The following NKIRAS1 variants were observed in gnomAD, a reference collection of about 807,000 sequenced individuals.
NKIRAS1 encodes the protein NFKB inhibitor interacting Ras like 1, also known as NF-kappa-B inhibitor-interacting Ras-like protein 1.
NKIRAS1 carries 16 observed loss-of-function variants against 19.8 expected under a neutral mutation model. The observed-to-expected ratio is 0.81, with a 90% confidence interval of 0.55 to 1.23. NKIRAS1 has a LOEUF of 1.23. Ranked by LOEUF, NKIRAS1 falls within the 50% of genes most tolerant of loss-of-function variation. The pLI, the probability that NKIRAS1 is intolerant of heterozygous loss-of-function variation, is 0.00. For synonymous variants in NKIRAS1, 88 were observed against 79.0 expected (o/e 1.11, Z -0.61); for missense variants, 184 against 220.0 (o/e 0.84, Z 1.04).
intron 1 of NKIRAS1, among the ~76,000 whole-genome samples, chr3:23,943,469 G>C (rs1262933396): frequency 6.6e-6 from 1 of 152,192 alleles, no homozygotes; most frequent in Non-Finnish European, 1.5e-5. Context: ...GACCTCAGGT[G>C]ATCCACCCGC....
At position 23,927,267 on chromosome 3, in the gene NKIRAS1, C is replaced by A. The variant is rs1007838052; in HGVS notation, c.-139-15817G>T. 6.6e-6 allele frequency among the ~76,000 whole-genome samples: 1 copy of A among 152,136 alleles called. No individual in the cohort carries two copies. The highest frequency in any genetic ancestry group is 1.5e-5 in the Non-Finnish European group (1 of 68,032). On this transcript the variant is annotated intron_variant, in intron 1 of 4. Transcript: ENST00000421515. This position sits in a 1 kb window ranked among gnomAD's most constrained non-coding sequence, Gnocchi z 4.0. ...GAGTGCAGTGGCTCACGTCTGTAAT[C>A]CCAGCACTTTGGGAGGCCAAGGTGG... is the stretch of plus-strand genomic sequence containing the variant.
chr3:23,945,698 G>T, intron 1 of NKIRAS1: 1 of 753,158 alleles, frequency 1.3e-6, no homozygotes, highest in South Asian at 6.3e-5. Context: ...TGGCCGGTGG[G>T]GCGGGGTGGG....
In NKIRAS1 at chr3:23,892,297, CT is replaced by C. The variant is rs1249021692; in HGVS notation, c.*797del. On this transcript the variant is annotated 3_prime_UTR_variant, in exon 5 of 5. Coordinates refer to ENST00000425478, the MANE Select transcript of NKIRAS1 (RefSeq NM_020345.4). ...AAATTAGAGCCCAATATTTTTGATA[CT>C]TTTATTGTATATGACTAGTTTTCTA... is the stretch of plus-strand genomic sequence containing the variant. 2 of 152,102 alleles carry C rather than the reference CT, an allele frequency of 1.3e-5. No individual in the cohort carries two copies. The highest frequency in any genetic ancestry group is 4.8e-5 in the African/African-American group (2 of 41,414). The allele number at this position is 152,102 out of a possible 1,614,324, so 9.4% of individuals were successfully genotyped here.
At chr3:23,898,296 A>T (rs1559501916) in intron 4 of NKIRAS1, among the ~76,000 whole-genome samples, 1 of 152,214 alleles carries the variant, frequency 6.6e-6, no homozygotes, top group African/African-American at 2.4e-5. Flanking sequence ...ACAACAGATA[A>T]ATGGTTAAAA....
chr3:23,928,103 CACACACACACACACACACACACACAT>C (rs1317270353), intron 1 of NKIRAS1, among the ~76,000 whole-genome samples: 5 of 23,506 alleles, frequency 2.1e-4, no homozygotes, highest in African/African-American at 6.2e-4. Flanking sequence ...CTACACACCA[CACACACACACACACACACACACACAT>C]ACACACACAC....
At chr3:23,921,411 A>AT (rs1274671028), upstream of NKIRAS1, among the ~76,000 whole-genome samples, 1 of 152,148 alleles carries the variant, frequency 6.6e-6, no homozygotes, top group Non-Finnish European at 1.5e-5. Context: ...TGTTCTTCAA[A>AT]TACACCAAAC....
intron 4 of NKIRAS1, among the ~76,000 whole-genome samples, chr3:23,894,953 A>G (rs1025043204): frequency 3.9e-4 from 59 of 152,216 alleles, no homozygotes; most frequent in African/African-American, 1.1e-3. Flanking sequence ...TGCTTCCAGT[A>G]ACCTGGTCTC....
Position 23,901,044 on chromosome 3 carries a change from C to T in NKIRAS1, c.100G>A (p.Glu34Lys), listed in dbSNP as rs748012150. ...LLYGNHTIGMEDCETMEDVYM... is the reference protein window; with the variant it reads ...LLYGNHTIGMKDCETMEDVYM... ...ACATCTTCCATTGTTTCGCAATCTT[C>T]CATTCCTGGGATTAAGAAAACAAAT... The change falls in exon 4 of 5, where the codon GAA becomes AAA. Residue 34 changes from glutamate (E) to lysine (K), a missense_variant. Transcript: ENST00000425478. 8 of 1,613,012 alleles carry T rather than the reference C, an allele frequency of 5.0e-6. No homozygotes were observed. Among genetic ancestry groups the T allele is most frequent in the Non-Finnish European group, 6.8e-6 (8 of 1,179,154 alleles).
At chr3:23,916,259 A>C (rs1210416297) in intron 1 of NKIRAS1, 1 of 152,330 alleles carries the variant, frequency 6.6e-6, no homozygotes, top group Non-Finnish European at 1.5e-5. Flanking sequence ...ATTAAAGCCA[A>C]GTGAAAATAT....
At chr3:23,921,615 C>T (rs916575118), upstream of NKIRAS1, 18 of 535,334 alleles carry the variant, frequency 3.4e-5, no homozygotes, top group Non-Finnish European at 5.6e-5. Flanking sequence ...CTCACTCTCA[C>T]TCAGGTGGGA....
intron 1 of NKIRAS1, among the ~76,000 whole-genome samples, chr3:23,913,602 CACATT>C (rs1202659417): frequency 1.3e-5 from 2 of 152,164 alleles, no homozygotes; most frequent in Non-Finnish European, 2.9e-5. Flanking sequence ...GGCAGGAACT[CACATT>C]ACAAATAAGT....
upstream of NKIRAS1, chr3:23,919,635 G>A: frequency 4.2e-6 from 6 of 1,420,970 alleles, no homozygotes; most frequent in South Asian, 3.2e-5. Context: ...GAAAGTTAAA[G>A]TGCAATAATG....
chr3:23,935,362 C>T (rs1297930727), intron 1 of NKIRAS1, among the ~76,000 whole-genome samples: 1 of 129,762 alleles, frequency 7.7e-6, no homozygotes, highest in Non-Finnish European at 1.6e-5. Context: ...GTGTTAATGG[C>T]CAAGGTTCTG....
chr3:23,896,686 G>A (rs1049469218), intron 4 of NKIRAS1, among the ~76,000 whole-genome samples: 1 of 151,814 alleles, frequency 6.6e-6, no homozygotes, highest in East Asian at 1.9e-4. Flanking sequence ...AAAAACAGGG[G>A]TGGGTGGATG....
intron 1 of NKIRAS1, among the ~76,000 whole-genome samples, chr3:23,913,279 G>A (rs951772631): frequency 4.6e-5 from 7 of 152,086 alleles, no homozygotes; most frequent in Admixed American, 3.3e-4. Context: ...AATAAAAGTA[G>A]CTCAAAACAC....
intron 4 of NKIRAS1, among the ~76,000 whole-genome samples, chr3:23,898,760 T>C (rs1469616018): frequency 1.3e-5 from 2 of 152,094 alleles, no homozygotes; most frequent in Non-Finnish European, 2.9e-5. Flanking sequence ...ATTTCTTTTA[T>C]ATCAGGGGTC....
intron 4 of NKIRAS1, among the ~76,000 whole-genome samples, chr3:23,899,873 G>A (rs1157982879): frequency 6.6e-6 from 1 of 152,186 alleles, no homozygotes; most frequent in Non-Finnish European, 1.5e-5. Context: ...ATAATAAAAA[G>A]CCCAAGGAGG....
chr3:23,946,446 C>T (rs1220906601), exon 1 of NKIRAS1: 1 of 277,520 alleles, frequency 3.6e-6, no homozygotes, highest in Non-Finnish European at 5.5e-6. Context: ...TGCTTCGATC[C>T]CGAGCGACTC....
intron 4 of NKIRAS1, among the ~76,000 whole-genome samples, chr3:23,897,564 C>A (rs1320225030): frequency 6.6e-6 from 1 of 152,194 alleles, no homozygotes; most frequent in African/African-American, 2.4e-5. Flanking sequence ...CCATCACCTA[C>A]AACACACCTC....
Sources: allele counts gnomAD v4.1 joint callset (sites outside exome capture counted in the v4.1 genomes callset), GRCh38; gene constraint gnomAD v4.1.1; non-coding constraint Gnocchi (gnomAD v3.1); transcripts MANE v1.5; gene names NCBI Gene and HGNC (gene_info 2026-07-23, HGNC 2026-07-21).